SULT1E1: variants seen among roughly 807,000 people sequenced by gnomAD.
The protein encoded by SULT1E1 is sulfotransferase family 1E member 1, also known as sulfotransferase 1E1.
SULT1E1 carries 36 observed loss-of-function variants against 33.6 expected under a neutral mutation model. The observed-to-expected ratio is 1.07, with a 90% CI of 0.82 to 1.41. The LOEUF (loss-of-function observed/expected upper bound fraction) is 1.41, where lower values mean the gene tolerates loss of function less well. Among genes scored for constraint, SULT1E1 ranks in the 40% most tolerant of loss-of-function variants. The pLI is 0.00. For missense variants in SULT1E1, 371 were observed against 345.7 expected, an observed-to-expected ratio of 1.07 and a Z score of -0.58; for synonymous variants, 121 against 111.7, an observed-to-expected ratio of 1.08 and a Z score of -0.53.
rs375147341 is a variant in SULT1E1, at chr4:69,841,970, T to C, written c.*24A>G. On this transcript the variant is annotated 3_prime_UTR_variant, in exon 8 of 8. Transcript: ENST00000226444. ...ATGAAAAGAAATCTTTAATATCAGA[T>C]ATGTTAAGTAAAGAAAGACCTTCTT... 8.1e-7 allele frequency: 1 copy of C among 1,231,852 alleles called. No individual in the cohort carries two copies. Among genetic ancestry groups the C allele is most frequent in the African/African-American group, 1.5e-5 (1 of 65,770 alleles). 76.3% of individuals were successfully genotyped at this position (1,231,852 alleles called of 1,614,324 possible).
At chr4:69,830,442 G>T in the SULT1E1 span, among the ~76,000 whole-genome samples, 20 of 152,324 alleles carry the variant, frequency 1.3e-4, no homozygotes, top group Non-Finnish European at 2.4e-4. Flanking sequence ...GTGTACAACC[G>T]AAATGCCTCA....
At chr4:69,842,447 T>C (rs534925327) in intron 7 of SULT1E1, among the ~76,000 whole-genome samples, 1 of 152,230 alleles carries the variant, frequency 6.6e-6, no homozygotes, top group African/African-American at 2.4e-5. Context: ...TTAATGCTGA[T>C]AGCACTAAAA....
At chr4:69,842,857 G>C (rs1720907605) in intron 7 of SULT1E1, among the ~76,000 whole-genome samples, 2 of 146,870 alleles carry the variant, frequency 1.4e-5, no homozygotes, top group Non-Finnish European at 3.0e-5. Flanking sequence ...TTTTTTTGGA[G>C]ACAGAGTCTC....
At chr4:69,832,677 C>T in the SULT1E1 span, among the ~76,000 whole-genome samples, 7 of 152,150 alleles carry the variant, frequency 4.6e-5, no homozygotes, top group East Asian at 1.9e-4. Context: ...ACTCATCTTG[C>T]GACCCCCCCA....
chr4:69,833,355 T>G, the SULT1E1 span, among the ~76,000 whole-genome samples: 1 of 152,202 alleles, frequency 6.6e-6, no homozygotes, highest in African/African-American at 2.4e-5. Flanking sequence ...AGTATTACAA[T>G]AGAGTGGCCA....
At position 69,841,811 on chromosome 4, in the gene SULT1E1, A is replaced by C; in HGVS notation, c.*183T>G. ...AGCCATGATTGTGCCACTGTCCTCC[A>C]GCCTAGGCAACAGAGTGAGACTCTG... On this transcript the variant is annotated 3_prime_UTR_variant, in exon 8 of 8. Transcript: ENST00000226444. The C allele has an allele frequency of 7.0e-6, 3 of 427,826 alleles. No homozygotes were observed. The highest frequency in any genetic ancestry group is 4.6e-5 in the East Asian group (1 of 21,596). The allele number at this position is 427,826 out of a possible 1,614,324, so 26.5% of individuals were successfully genotyped here.
At chr4:69,857,787 A>G (rs892438396) in intron 1 of SULT1E1, 134 bp from the exon 2 acceptor site, 3 of 660,168 alleles carry the variant, frequency 4.5e-6, no homozygotes, top group Non-Finnish European at 7.0e-6. Context: ...AAAACATAGT[A>G]AAGTTGCATA....
chr4:69,834,876 C>T, the SULT1E1 span, among the ~76,000 whole-genome samples: 327 of 152,070 alleles, frequency 2.2e-3, 3 homozygotes, highest in African/African-American at 7.3e-3. Context: ...ATTTCTATTT[C>T]GCCCCTCATT....
At chr4:69,824,817 C>T in the SULT1E1 span, among the ~76,000 whole-genome samples, 3 of 152,230 alleles carry the variant, frequency 2.0e-5, no homozygotes, top group South Asian at 2.1e-4. Flanking sequence ...ATGAACAGGA[C>T]GTGGGCAGGG....
chr4:69,827,328 T>A, the SULT1E1 span, among the ~76,000 whole-genome samples: 7 of 152,008 alleles, frequency 4.6e-5, no homozygotes, highest in Non-Finnish European at 7.4e-5. Context: ...AGGGACAAAT[T>A]CCCTACTGGT....
intron 7 of SULT1E1, 74 bp from the exon 8 acceptor site, chr4:69,842,180 TTTCA>T: frequency 1.3e-6 from 1 of 793,488 alleles, no homozygotes; most frequent in Non-Finnish European, 2.1e-6. Flanking sequence ...ATTTCATCAC[TTTCA>T]TTAACACCTA....
the SULT1E1 span, among the ~76,000 whole-genome samples, chr4:69,822,294 C>T: frequency 3.9e-5 from 6 of 152,132 alleles, no homozygotes; most frequent in South Asian, 8.3e-4. Context: ...TAAGTTAAAC[C>T]ATTTGCTTAG....
the SULT1E1 span, among the ~76,000 whole-genome samples, chr4:69,822,664 T>C: frequency 6.6e-6 from 1 of 152,188 alleles, no homozygotes; most frequent in South Asian, 2.1e-4. Flanking sequence ...TACTTTGTTA[T>C]GGTGTTTACT....
chr4:69,840,804 T>C (rs1247034966), downstream of SULT1E1, among the ~76,000 whole-genome samples: 5 of 152,168 alleles, frequency 3.3e-5, no homozygotes, highest in African/African-American at 1.2e-4. Flanking sequence ...CCCAGCACTT[T>C]GGGAGGCTGA....
chr4:69,839,601 A>G (rs1553919436), downstream of SULT1E1, among the ~76,000 whole-genome samples: 1 of 152,220 alleles, frequency 6.6e-6, no homozygotes, highest in Non-Finnish European at 1.5e-5. Context: ...TTCTAGAGAT[A>G]TAATTATTAG....
At chr4:69,844,130 C>G (rs747015999) in intron 7 of SULT1E1, 31 bp downstream of exon 7, 4 of 1,609,882 alleles carry the variant, frequency 2.5e-6, no homozygotes, top group East Asian at 2.2e-5. Context: ...GTGACTTCCT[C>G]TAGTATCGAG....
In SULT1E1 at chr4:69,857,671, C is replaced by G; in HGVS notation, c.-9-18G>C. On this transcript the variant is annotated intron_variant, in intron 1 of 7. Coordinates refer to ENST00000226444, the MANE Select transcript of SULT1E1 (RefSeq NM_005420.3). ...GTGGTACACTGAAAAAAAACCTCTGCTTTATACTTTGTATGTACTTAACAA... is the reference window on the plus strand; with the variant it reads ...GTGGTACACTGAAAAAAAACCTCTGGTTTATACTTTGTATGTACTTAACAA... 6.4e-7 allele frequency: 1 copy of G among 1,566,234 alleles called. No individual in the cohort carries two copies.
At chr4:69,843,118 G>T (rs899719885) in intron 7 of SULT1E1, among the ~76,000 whole-genome samples, 1 of 152,090 alleles carries the variant, frequency 6.6e-6, no homozygotes, top group East Asian at 1.9e-4. Flanking sequence ...TTACAGGTGT[G>T]AGCCACCGCG....
intron 2 of SULT1E1, among the ~76,000 whole-genome samples, 172 bp downstream of exon 2, chr4:69,857,328 C>A (rs1721262669): frequency 1.3e-5 from 2 of 152,164 alleles, no homozygotes; most frequent in Admixed American, 6.5e-5. Flanking sequence ...ATTCAAGTTA[C>A]AGGTAAAAAT....
Sources: gnomAD v4.1 joint callset for allele counts (sites outside exome capture counted in the v4.1 genomes callset) on GRCh38, gnomAD v4.1.1 for gene constraint, MANE v1.5 for transcripts, NCBI Gene and HGNC (gene_info 2026-07-23, HGNC 2026-07-21) for gene names.